The following TCERG1 variants were observed in gnomAD, a reference collection of about 807,000 sequenced individuals.
TCERG1 encodes the protein transcription elongation regulator 1, also known as TATA box binding protein (TBP)-associated factor, RNA polymerase II, S, 150kD.
TCERG1 carries 37 observed loss-of-function variants against 144.7 expected under a neutral mutation model. The ratio of observed to expected loss-of-function variants is 0.26; its 90% CI spans 0.20 to 0.34. TCERG1 has a LOEUF of 0.34. Among genes scored for constraint, TCERG1 ranks in the 10% least tolerant of loss-of-function variants. The pLI is 1.00. For synonymous variants in TCERG1, 492 were observed against 458.2 expected (o/e 1.07, Z -0.94); for missense variants, 1,027 against 1,380.7 (o/e 0.74, Z 4.06).
chr5:146,481,286 C>A, intron 13 of TCERG1, 86 bp downstream of exon 13: 1 of 642,260 alleles, frequency 1.6e-6, no homozygotes, highest in Non-Finnish European at 1.9e-6. Flanking sequence ...TGTATTGTGA[C>A]ATTTTCATTT....
At chr5:146,447,953 T>G (rs1166287580) in intron 1 of TCERG1, among the ~76,000 whole-genome samples, 1 of 152,258 alleles carries the variant, frequency 6.6e-6, no homozygotes, top group Non-Finnish European at 1.5e-5. Flanking sequence ...TCTTCCTTTT[T>G]TCATCCCTTT....
At chr5:146,448,164 A>G (rs1410120222) in intron 1 of TCERG1, among the ~76,000 whole-genome samples, 2 of 152,212 alleles carry the variant, frequency 1.3e-5, no homozygotes, top group Non-Finnish European at 2.9e-5. Context: ...TACAGGTGAG[A>G]TAACAGCCTC....
chr5:146,447,437 C>A, intron 1 of TCERG1, 29 bp downstream of exon 1: 1 of 1,604,070 alleles, frequency 6.2e-7, no homozygotes, highest in Non-Finnish European at 8.5e-7. Flanking sequence ...CTTCACATCT[C>A]TGCTCACGAG....
In TCERG1 at chr5:146,457,203, T is replaced by G; in HGVS notation, c.306T>G (p.Pro102=). 2 of 1,613,944 alleles carry G rather than the reference T, an allele frequency of 1.2e-6. No homozygotes were observed. Among genetic ancestry groups the G allele is most frequent in the East Asian group, 4.5e-5 (2 of 44,884 alleles). The part of the protein sequence containing the change: ...PHLQRPPFMP[P]PMSSMPPPPG... ...AACAGAGACCACCTTTCATGCCTCC[T>G]CCCATGAGTTCCATGCCTCCTCCTC... The change falls in exon 3 of 23, where the codon CCT becomes CCG. Residue 102 remains proline (P), a synonymous_variant. Coordinates refer to ENST00000679501, the MANE Select transcript of TCERG1 (RefSeq NM_001382548.1).
chr5:146,461,041 A>G (rs1763285547), intron 4 of TCERG1, among the ~76,000 whole-genome samples: 1 of 152,136 alleles, frequency 6.6e-6, no homozygotes, highest in Non-Finnish European at 1.5e-5. Context: ...AGAAAGGAGA[A>G]ATAGTAGTGC....
intron 15 of TCERG1, 42 bp downstream of exon 15, chr5:146,483,671 C>CATATCT: frequency 3.4e-6 from 5 of 1,465,922 alleles, no homozygotes; most frequent in African/African-American, 1.4e-5. Context: ...ATATCTCTTG[C>CATATCT]CAACATAGTT....
chr5:146,495,048 A>G (rs1157925780), intron 16 of TCERG1, among the ~76,000 whole-genome samples: 2 of 152,208 alleles, frequency 1.3e-5, no homozygotes, highest in Non-Finnish European at 1.5e-5. Flanking sequence ...TATTTTACCT[A>G]TAAGTAATAG....
In TCERG1 at chr5:146,457,319, A is replaced by G. The variant is rs2150238669; in HGVS notation, c.422A>G (p.Lys141Arg). The change falls in exon 3 of 23, where the codon AAA becomes AGA. Residue 141 changes from lysine (K) to arginine (R), a missense_variant. Around this residue, in one of 6 missense-constraint regions of TCERG1, gnomAD observed 2 missense variants for 17.9 expected, o/e 0.11. Coordinates refer to ENST00000679501, the MANE Select transcript of TCERG1 (RefSeq NM_001382548.1). ...ACGGAGGAGATATGGGTTGAAAATA[A>G]AACTCCAGATGGGAAGGTAAATAAT... ...PPTEEIWVEN[K>R]TPDGKVYYYN... is the part of the protein sequence containing the mutation. 1 of 1,609,844 alleles carries G rather than the reference A, an allele frequency of 6.2e-7. No individual in the cohort carries two copies. Among genetic ancestry groups the G allele is most frequent in the East Asian group, 2.2e-5 (1 of 44,854 alleles).
chr5:146,454,600 T>G (rs943046646), intron 1 of TCERG1, among the ~76,000 whole-genome samples: 18 of 152,018 alleles, frequency 1.2e-4, no homozygotes, highest in Non-Finnish European at 2.4e-4. Flanking sequence ...GTTGTTTGTT[T>G]GTTTGTTTGT....
At chr5:146,448,931 A>T (rs1427337023) in intron 1 of TCERG1, among the ~76,000 whole-genome samples, 2 of 152,222 alleles carry the variant, frequency 1.3e-5, no homozygotes, top group East Asian at 3.9e-4. Flanking sequence ...CTTTAAAAAA[A>T]TCCAAATGGC....
At chr5:146,500,174 TAAAAAAAA>T (rs970259091) in intron 17 of TCERG1, among the ~76,000 whole-genome samples, 1 of 147,534 alleles carries the variant, frequency 6.8e-6, no homozygotes, top group East Asian at 2.0e-4. Flanking sequence ...ATTACTAGAT[TAAAAAAAA>T]AAGGCAGGAA....
chr5:146,489,333 A>T (rs772803629), intron 15 of TCERG1, among the ~76,000 whole-genome samples: 4 of 152,184 alleles, frequency 2.6e-5, no homozygotes, highest in South Asian at 4.1e-4. Flanking sequence ...GAATATGTAC[A>T]ATTATTATTT....
chr5:146,459,251 C>A lies in TCERG1; in HGVS notation c.806C>A (p.Ala269Glu). 1 of 1,614,290 alleles carries A rather than the reference C, an allele frequency of 6.2e-7. No individual in the cohort carries two copies. ...STPTTSSPAPAVSTSTSSSTP... is the reference protein window; with the variant it reads ...STPTTSSPAPEVSTSTSSSTP... ...CCTACGACCAGTAGCCCAGCACCTGCAGTATCCACTTCAACATCATCATCC... is the reference window on the plus strand; with the variant it reads ...CCTACGACCAGTAGCCCAGCACCTGAAGTATCCACTTCAACATCATCATCC... The change falls in exon 4 of 23, where the codon GCA becomes GAA. Residue 269 changes from alanine to glutamate, a missense_variant. Physicochemically the swap from Ala to Glu is moderately radical, Grantham distance 107. This residue lies in a region of TCERG1 where 187 missense variants were observed against 169.1 expected (regional missense o/e 1.11). Transcript: ENST00000679501.
intron 9 of TCERG1, among the ~76,000 whole-genome samples, chr5:146,475,804 C>T (rs1227963766): frequency 6.6e-6 from 1 of 152,084 alleles, no homozygotes; most frequent in Non-Finnish European, 1.5e-5. Context: ...GAGATACTTC[C>T]CCTTATCACC....
At chr5:146,504,325 C>T (rs770246245) in intron 19 of TCERG1, 50 of 199,678 alleles carry the variant, frequency 2.5e-4, no homozygotes, top group Non-Finnish European at 4.4e-4. Flanking sequence ...ATAAACAAAA[C>T]GTGCTGAACA....
intron 14 of TCERG1, 58 bp from the exon 15 acceptor site, chr5:146,483,482 T>A: frequency 1.4e-6 from 2 of 1,473,534 alleles, no homozygotes; most frequent in African/African-American, 2.8e-5. Flanking sequence ...AGCAAAATTA[T>A]GACCTTTATA....
chr5:146,461,508 T>G (rs1452415674), intron 4 of TCERG1, among the ~76,000 whole-genome samples: 1 of 152,154 alleles, frequency 6.6e-6, no homozygotes, highest in Non-Finnish European at 1.5e-5. Context: ...CAGTTTCCCA[T>G]TATTTTATTG....
chr5:146,474,049 A>C (rs1027170315), intron 9 of TCERG1, among the ~76,000 whole-genome samples: 1 of 89,134 alleles, frequency 1.1e-5, no homozygotes, highest in Non-Finnish European at 2.3e-5. Context: ...TTGTGATTTC[A>C]TCAGGCTATA....
At chr5:146,461,217 TA>T (rs1232922368) in intron 4 of TCERG1, among the ~76,000 whole-genome samples, 1 of 145,614 alleles carries the variant, frequency 6.9e-6, no homozygotes, top group Non-Finnish European at 1.5e-5. Flanking sequence ...TTCCCAGAAA[TA>T]TAATATAGCA....
Sources: gnomAD v4.1 joint callset for allele counts (sites outside exome capture counted in the v4.1 genomes callset) on GRCh38, gnomAD v4.1.1 for gene constraint, gnomAD v4.1.1 regional missense constraint, MANE v1.5 for transcripts, NCBI Gene and HGNC (gene_info 2026-07-23, HGNC 2026-07-21) for gene names.